Variants in CRB1 observed in about 807,000 individuals in gnomAD.
CRB1 encodes crumbs cell polarity complex component 1.
Under a neutral mutation model 120.0 loss-of-function variants are expected in CRB1, and 83 were observed. The ratio of observed to expected loss-of-function variants is 0.69; its 90% CI spans 0.58 to 0.83. The LOEUF is 0.83. Ranked by LOEUF, CRB1 falls within the 40% of genes least tolerant of loss-of-function variation. CRB1 has a pLI of 0.00. For missense variants in CRB1, 1,699 were observed against 1,687.6 expected (o/e 1.01, Z -0.12); for synonymous variants, 625 against 612.5 (o/e 1.02, Z -0.30).
chr1:197,313,430 A>C (rs935695445), intron 1 of CRB1, among the ~76,000 whole-genome samples: 2 of 152,184 alleles, frequency 1.3e-5, no homozygotes, highest in Admixed American at 1.3e-4. Flanking sequence ...CACCTGAAAC[A>C]TTTATCTCTT....
chr1:197,350,445 CGA>C (rs1168877745), intron 4 of CRB1, among the ~76,000 whole-genome samples: 3 of 152,262 alleles, frequency 2.0e-5, no homozygotes, highest in East Asian at 3.9e-4. Flanking sequence ...TGTAGGAGGG[CGA>C]GAGTTTGTAA....
chr1:197,428,324 G>A (rs1266297305), intron 7 of CRB1, among the ~76,000 whole-genome samples: 2 of 152,112 alleles, frequency 1.3e-5, no homozygotes, highest in African/African-American at 4.8e-5. Flanking sequence ...GCACACCAGA[G>A]GTTTAACTGA....
chr1:197,374,084 A>G (rs1275385748), intron 5 of CRB1, among the ~76,000 whole-genome samples: 2 of 152,158 alleles, frequency 1.3e-5, no homozygotes, highest in Admixed American at 6.5e-5. Context: ...CTCCTTTGGT[A>G]TGCAGTTTCT....
intron 5 of CRB1, among the ~76,000 whole-genome samples, chr1:197,392,108 G>A (rs924383389): frequency 2.6e-5 from 4 of 151,944 alleles, no homozygotes; most frequent in Non-Finnish European, 5.9e-5. Context: ...AAGCAGCTGG[G>A]TAGCTTCTCA....
chr1:197,328,482 C>T lies in CRB1; in HGVS notation c.131C>T (p.Thr44Ile). 1.2e-6 allele frequency: 2 copies of T among 1,614,158 alleles called. No homozygotes were observed. Among genetic ancestry groups the T allele is most frequent in the Non-Finnish European group, 1.7e-6 (2 of 1,180,020 alleles). ...TCAAATTCTTGCCAAAACAATTCTACATGCAAAGATTTTTCAAAAGACAAT... is the reference window on the plus strand; with the variant it reads ...TCAAATTCTTGCCAAAACAATTCTATATGCAAAGATTTTTCAAAAGACAAT... ...CLSNSCQNNS[T>I]CKDFSKDNDC... Residue 44 changes from threonine to isoleucine, a missense_variant, in exon 2 of 12, where the codon ACA (threonine) becomes ATA (isoleucine). Thr to Ile is a moderately conservative substitution (Grantham distance 89). Transcript: ENST00000367400.
rs16841320 is a variant in CRB1 at position 197,320,391 on chromosome 1, A to C, written c.71-8031A>C. Among the ~76,000 whole-genome samples the C allele has an allele frequency of 3.8e-3, 585 of 152,280 alleles. 2 individuals are homozygous for C. The highest frequency in any genetic ancestry group is 0.013 in the African/African-American group (552 of 41,578). On this transcript the variant is annotated intron_variant, in intron 1 of 11. Transcript: ENST00000367400. The stretch of plus-strand genomic sequence containing the variant: ...GCCAGAATAGACCTGGTCCCTATTG[A>C]GTTATAATTCACTAGGTATTACATG...
chr1:197,469,181 C>G (rs966087903), intron 11 of CRB1, among the ~76,000 whole-genome samples: 1 of 152,146 alleles, frequency 6.6e-6, no homozygotes, highest in Admixed American at 6.5e-5. Context: ...GATCATGCCA[C>G]TGCACTCCAG....
At chr1:197,304,952 T>C (rs2125260266) in intron 1 of CRB1, among the ~76,000 whole-genome samples, 1 of 152,328 alleles carries the variant, frequency 6.6e-6, no homozygotes, top group Non-Finnish European at 1.5e-5. Context: ...TATTCGACAA[T>C]TCCAGCTTCA....
chr1:197,305,571 C>T (rs371391804), intron 1 of CRB1, among the ~76,000 whole-genome samples: 10 of 151,534 alleles, frequency 6.6e-5, no homozygotes, highest in South Asian at 2.1e-4. Context: ...AATAATTATG[C>T]GGATGACTGC....
intron 5 of CRB1, among the ~76,000 whole-genome samples, chr1:197,372,705 G>A (rs1345913696): frequency 7.8e-6 from 1 of 127,490 alleles, no homozygotes; most frequent in East Asian, 2.4e-4. Flanking sequence ...ATGAGACTCT[G>A]TCTCTTTAAA....
intron 1 of CRB1, among the ~76,000 whole-genome samples, chr1:197,279,456 C>G (rs1406728673): frequency 6.6e-6 from 1 of 151,152 alleles, no homozygotes; most frequent in East Asian, 2.0e-4. Context: ...ATTATAAACT[C>G]AAATAATTAT....
intron 5 of CRB1, among the ~76,000 whole-genome samples, chr1:197,390,333 G>A (rs1034984526): frequency 6.6e-6 from 1 of 152,072 alleles, no homozygotes; most frequent in African/African-American, 2.4e-5. Flanking sequence ...GTGCTCAGAG[G>A]AGGTAAATGG....
chr1:197,255,380 A>C, the CRB1 span, among the ~76,000 whole-genome samples: 1 of 152,032 alleles, frequency 6.6e-6, no homozygotes, highest in Non-Finnish European at 1.5e-5. Context: ...TTGAATTCTC[A>C]TCTGTTCTAT....
chr1:197,301,448 G>A (rs1158749145), intron 1 of CRB1, among the ~76,000 whole-genome samples: 1 of 152,120 alleles, frequency 6.6e-6, no homozygotes, highest in Non-Finnish European at 1.5e-5. Flanking sequence ...TTACAGGTGT[G>A]AGTTACCACA....
the CRB1 span, among the ~76,000 whole-genome samples, chr1:197,206,429 C>G: frequency 6.6e-6 from 1 of 152,138 alleles, no homozygotes; most frequent in Non-Finnish European, 1.5e-5. Context: ...TTTGCTGTAT[C>G]CCAGAGGTTT....
chr1:197,438,539 C>T lies in CRB1; in HGVS notation c.3750-8C>T. 1 of 1,611,760 alleles carries T rather than the reference C, an allele frequency of 6.2e-7. No individual in the cohort carries two copies. The highest frequency in any genetic ancestry group is 8.5e-7 in the Non-Finnish European group (1 of 1,178,320). On this transcript the variant is annotated splice_region_variant and splice_polypyrimidine_tract_variant and intron_variant, in intron 9 of 11. Transcript: ENST00000367400. The stretch of plus-strand genomic sequence containing the variant: ...GAACAGCTGTGGCTCTTGCTTTTAT[C>T]TCTCTAGACAGAGCAGATTACCCTC...
intron 11 of CRB1, among the ~76,000 whole-genome samples, chr1:197,459,716 T>C (rs1275405445): frequency 6.6e-6 from 1 of 152,146 alleles, no homozygotes; most frequent in Non-Finnish European, 1.5e-5. Flanking sequence ...GTAGCATCTT[T>C]CCTTCATGAT....
chr1:197,325,727 G>C (rs966124994), intron 1 of CRB1, among the ~76,000 whole-genome samples: 2 of 152,002 alleles, frequency 1.3e-5, no homozygotes, highest in African/African-American at 4.8e-5. Context: ...AAAAACACCA[G>C]AAATATACAT....
chr1:197,270,131 C>T (rs1199368403), intron 1 of CRB1, among the ~76,000 whole-genome samples: 3 of 152,148 alleles, frequency 2.0e-5, no homozygotes, highest in African/African-American at 7.2e-5. Flanking sequence ...TTCCTTTCTA[C>T]CCTTATTACC....
Sources: gnomAD v4.1 joint callset for allele counts (sites outside exome capture counted in the v4.1 genomes callset) on GRCh38, gnomAD v4.1.1 for gene constraint, MANE v1.5 for transcripts, NCBI Gene and HGNC (gene_info 2026-07-23, HGNC 2026-07-21) for gene names.